The following PPP6R2 variants were observed in gnomAD, a reference collection of about 807,000 sequenced individuals.
PPP6R2 encodes the protein serine/threonine-protein phosphatase 6 regulatory subunit 2.
A neutral mutation model predicts 100.2 loss-of-function variants in PPP6R2; 62 were observed. That is an observed-to-expected ratio of 0.62 (90% CI 0.50 to 0.76). PPP6R2 has a LOEUF of 0.76. Ranked by LOEUF, PPP6R2 falls within the 30% of genes least tolerant of loss-of-function variation. The pLI is 0.00. For missense variants in PPP6R2, 1,142 were observed against 1,276.3 expected (o/e 0.89, Z 1.60); for synonymous variants, 525 against 514.7 (o/e 1.02, Z -0.27).
chr22:50,414,331 G>GCCCCCCCCCC (rs57634612), intron 4 of PPP6R2, among the ~76,000 whole-genome samples: 1 of 26,776 alleles, frequency 3.7e-5, no homozygotes, highest in Non-Finnish European at 1.1e-4. Flanking sequence ...CTGTGCAGTG[G>GCCCCCCCCCC]CCCCCCCCCC....
intron 3 of PPP6R2, among the ~76,000 whole-genome samples, chr22:50,402,725 A>G (rs1050344153): frequency 6.6e-6 from 1 of 152,186 alleles, no homozygotes; most frequent in Non-Finnish European, 1.5e-5. Flanking sequence ...TGTGTGCTCC[A>G]TCTGCTGTGT....
chr22:50,417,435 A>C (rs1222770156), intron 6 of PPP6R2, among the ~76,000 whole-genome samples: 1 of 152,158 alleles, frequency 6.6e-6, no homozygotes, highest in Non-Finnish European at 1.5e-5. Context: ...GGAAGCACCT[A>C]AGGTGACAAT....
intron 2 of PPP6R2, among the ~76,000 whole-genome samples, chr22:50,382,414 T>C (rs1027292034): frequency 6.0e-5 from 9 of 151,232 alleles, no homozygotes; most frequent in East Asian, 1.9e-4. Context: ...CTGACTAACA[T>C]GGTGAAACCC....
At chr22:50,396,195 C>CAAAAA (rs528437459) in intron 3 of PPP6R2, among the ~76,000 whole-genome samples, 1 of 51,616 alleles carries the variant, frequency 1.9e-5, no homozygotes, top group Non-Finnish European at 3.4e-5. Flanking sequence ...GACTCTGGCT[C>CAAAAA]AAAAAAAAAA....
At chr22:50,434,430 C>G (rs868715409) in intron 12 of PPP6R2, among the ~76,000 whole-genome samples, 2 of 75,964 alleles carry the variant, frequency 2.6e-5, no homozygotes, top group African/African-American at 1.3e-4. Context: ...TGGGCAGGGG[C>G]CGGGCATTTG....
At position 50,436,360 on chromosome 22, in the gene PPP6R2, C is replaced by G. The variant is rs754801240; in HGVS notation, c.1517-7C>G. On this transcript the variant is annotated splice_region_variant and splice_polypyrimidine_tract_variant and intron_variant, in intron 13 of 23. Coordinates refer to ENST00000612753, the MANE Select transcript of PPP6R2 (RefSeq NM_001242898.2). Reference sequence around the variant, plus strand: ...CCAGGGCTCACCAGGCAGCACTTCCCTTGCAGGGCTCCCTGCGGACTGCCG... The same window carrying G: ...CCAGGGCTCACCAGGCAGCACTTCCGTTGCAGGGCTCCCTGCGGACTGCCG... 4 of 1,566,802 alleles carry G rather than the reference C, an allele frequency of 2.6e-6. No homozygotes were observed. The highest frequency in any genetic ancestry group is 3.5e-6 in the Non-Finnish European group (4 of 1,156,218).
At chr22:50,351,527 G>A (rs28880677) in intron 1 of PPP6R2, among the ~76,000 whole-genome samples, 65,251 of 151,296 alleles carry the variant, frequency 0.43, 15,428 homozygotes, top group African/African-American at 0.63. Flanking sequence ...TGTTTCATCT[G>A]TATTGAAAAA....
intron 1 of PPP6R2, among the ~76,000 whole-genome samples, chr22:50,370,529 CA>C (rs1259033899): frequency 2.6e-5 from 4 of 152,146 alleles, no homozygotes; most frequent in Non-Finnish European, 5.9e-5. Context: ...CCTCGTGATC[CA>C]CCCGCCTTGG....
chr22:50,335,709 T>C, the PPP6R2 span, among the ~76,000 whole-genome samples: 1 of 137,074 alleles, frequency 7.3e-6, no homozygotes, highest in Middle Eastern at 3.7e-3. Flanking sequence ...GGAGTCTCGC[T>C]CTGTCACCCA....
intron 3 of PPP6R2, among the ~76,000 whole-genome samples, chr22:50,400,325 T>C (rs1383091189): frequency 6.6e-6 from 1 of 152,198 alleles, no homozygotes; most frequent in Non-Finnish European, 1.5e-5. Flanking sequence ...CTTCCTGTGG[T>C]AAATTACACT....
chr22:50,438,176 C>T lies in PPP6R2; in HGVS notation c.1842C>T (p.Pro614=). 6.2e-7 allele frequency: 1 copy of T among 1,611,680 alleles called. No individual in the cohort carries two copies. The highest frequency in any genetic ancestry group is 8.5e-7 in the Non-Finnish European group (1 of 1,179,010). ...CACCTTGGCGTTTTACTCTGCAGCC[C>T]AGCGCAGCTCTGTTTGAGGCCTGCT... is the stretch of plus-strand genomic sequence containing the variant. The part of the protein sequence containing the change: ...NFNIDADEDS[P]SAALFEACCS... Residue 614 remains proline, a splice_region_variant and synonymous_variant, in exon 18 of 24, where the codon CCC becomes CCT. Transcript: ENST00000612753.
intron 1 of PPP6R2, among the ~76,000 whole-genome samples, chr22:50,343,795 C>T (rs1432652236): frequency 2.1e-4 from 12 of 57,524 alleles, no homozygotes; most frequent in African/African-American, 8.1e-4. Context: ...CAGTCAGTGC[C>T]CCCTCCAGTC....
intron 6 of PPP6R2, among the ~76,000 whole-genome samples, chr22:50,418,425 A>G (rs1030185821): frequency 2.0e-5 from 3 of 151,584 alleles, no homozygotes; most frequent in Non-Finnish European, 2.9e-5. Flanking sequence ...TCGCTCTGTC[A>G]CCCAGGCTGG....
chr22:50,398,747 T>G (rs1204577129), intron 3 of PPP6R2, among the ~76,000 whole-genome samples: 1 of 152,000 alleles, frequency 6.6e-6, no homozygotes, highest in Non-Finnish European at 1.5e-5. Flanking sequence ...ACTCTTGAGC[T>G]CAGGCAATCT....
chr22:50,363,057 G>GT (rs2048093520), intron 1 of PPP6R2, among the ~76,000 whole-genome samples: 1 of 152,202 alleles, frequency 6.6e-6, no homozygotes, highest in Non-Finnish European at 1.5e-5. Flanking sequence ...GGCCCACATA[G>GT]TGTTCAAAAG....
the PPP6R2 span, among the ~76,000 whole-genome samples, chr22:50,333,690 G>A: frequency 6.6e-6 from 1 of 152,162 alleles, no homozygotes; most frequent in East Asian, 1.9e-4. Flanking sequence ...CAGCCCTACA[G>A]GGCCTGTTGG....
intron 3 of PPP6R2, among the ~76,000 whole-genome samples, chr22:50,397,973 AG>A (rs1450729754): frequency 1.6e-4 from 8 of 48,516 alleles, no homozygotes; most frequent in Admixed American, 2.1e-4. Context: ...GGATGGGGGC[AG>A]GGGGGCCTGT....
intron 3 of PPP6R2, among the ~76,000 whole-genome samples, chr22:50,394,441 T>C (rs1050432400): frequency 1.3e-5 from 2 of 151,548 alleles, no homozygotes; most frequent in African/African-American, 4.8e-5. Context: ...TTAAATTTTT[T>C]TTTTTAAATT....
Position 50,393,630 on chromosome 22 carries a change from T to G in PPP6R2, c.-16-263T>G, listed in dbSNP as rs2056122568. 5.2e-6 allele frequency: 5 copies of G among 954,414 alleles called. No individual in the cohort carries two copies. In the African/African-American group the frequency reaches 7.1e-5, roughly 13 times the overall value. The allele number at this position is 954,414 out of a possible 1,614,324, so 59.1% of individuals were successfully genotyped here. A position where few individuals can be genotyped will look rare whatever the true frequency, so the allele number is the denominator to read the frequency against. On this transcript the variant is annotated intron_variant, in intron 2 of 23. Transcript: ENST00000612753. Reference sequence around the variant, plus strand: ...GCTGGGGGTGCAGCCTCAGAGCTGTTGAGCAGCTGGGAAGTCTGCTAACTT... The same window carrying G: ...GCTGGGGGTGCAGCCTCAGAGCTGTGGAGCAGCTGGGAAGTCTGCTAACTT...
Sources: allele counts gnomAD v4.1 joint callset (sites outside exome capture counted in the v4.1 genomes callset), GRCh38; gene constraint gnomAD v4.1.1; transcripts MANE v1.5; gene names NCBI Gene and HGNC (gene_info 2026-07-23, HGNC 2026-07-21).